NSMAF: variants seen among roughly 807,000 people sequenced by gnomAD.
NSMAF encodes the protein neutral sphingomyelinase activation associated factor.
A neutral mutation model predicts 134.9 loss-of-function variants in NSMAF; 90 were observed. That is an observed-to-expected ratio of 0.67 (90% CI 0.56 to 0.79). The LOEUF (loss-of-function observed/expected upper bound fraction) is 0.79. Among genes scored for constraint, NSMAF ranks in the 30% least tolerant of loss-of-function variants. The pLI is 0.00. For missense variants in NSMAF, 1,010 were observed against 1,119.0 expected (o/e 0.90, Z 1.39); for synonymous variants, 358 against 389.6 (o/e 0.92, Z 0.96).
rs536306319 is a variant in NSMAF, at chr8:58,599,658, AT to A, written c.1453+91del. 171 of 1,412,728 alleles carry A rather than the reference AT, an allele frequency of 1.2e-4. 1 individual carries two copies. In the African/African-American group the frequency reaches 2.3e-3, roughly 19 times the overall value. The allele number at this position is 1,412,728 out of a possible 1,614,324, so 87.5% of individuals were successfully genotyped here. A position where few individuals can be genotyped will look rare whatever the true frequency, so the allele number is the denominator to read the frequency against. ...TCCTTATTTAGAGAATTATATTGTG[AT>A]TTTTAAAAATCTAAGCAATAAAATA... On this transcript the variant is annotated intron_variant, in intron 18 of 30. Transcript: ENST00000038176.
chr8:58,645,744 CA>C (rs199560463), intron 1 of NSMAF, among the ~76,000 whole-genome samples: 8 of 150,706 alleles, frequency 5.3e-5, no homozygotes, highest in African/African-American at 1.7e-4. Flanking sequence ...AGATGCTCAT[CA>C]AAAAAAAATA....
At chr8:58,646,452 A>G (rs1016935763) in intron 1 of NSMAF, among the ~76,000 whole-genome samples, 3 of 152,200 alleles carry the variant, frequency 2.0e-5, no homozygotes, top group African/African-American at 4.8e-5. Context: ...CATATCAGCT[A>G]TTTTAGAACT....
chr8:58,599,383 C>G lies in NSMAF; in HGVS notation c.1454-20G>C. ...CGGGACCTATTAGATTAGACTCAAT[C>G]GAAAAATCATGGAGTCTTCATTTTT... is the stretch of plus-strand genomic sequence containing the variant. On this transcript the variant is annotated intron_variant, in intron 18 of 30. Coordinates refer to ENST00000038176, the MANE Select transcript of NSMAF (RefSeq NM_003580.4). The G allele has an allele frequency of 6.2e-7, 1 of 1,607,846 alleles. No homozygotes were observed. The highest frequency in any genetic ancestry group is 1.1e-5 in the South Asian group (1 of 89,842).
At chr8:58,592,920 A>C (rs536369413) in intron 23 of NSMAF, among the ~76,000 whole-genome samples, 74 of 149,630 alleles carry the variant, frequency 4.9e-4, no homozygotes, top group South Asian at 8.5e-4. Context: ...ACAACAACAA[A>C]AAAAAAACCT....
chr8:58,588,253 G>A (rs1805936338), intron 26 of NSMAF, among the ~76,000 whole-genome samples: 1 of 151,834 alleles, frequency 6.6e-6, no homozygotes, highest in Non-Finnish European at 1.5e-5. Context: ...TCGAAAGAAT[G>A]GTGAATGAAT....
chr8:58,640,820 G>A (rs1807317693), intron 2 of NSMAF, among the ~76,000 whole-genome samples: 1 of 151,740 alleles, frequency 6.6e-6, no homozygotes, highest in African/African-American at 2.4e-5. Context: ...TACTGCCTTG[G>A]CTTACTAAAG....
chr8:58,595,726 A>T, intron 21 of NSMAF, 67 bp from the exon 22 acceptor site: 1 of 925,320 alleles, frequency 1.1e-6, no homozygotes. Flanking sequence ...CATCAGATTA[A>T]CAATATTTTC....
chr8:58,606,148 T>C, intron 11 of NSMAF, 113 bp from the exon 12 acceptor site: 2 of 914,678 alleles, frequency 2.2e-6, no homozygotes, highest in Non-Finnish European at 3.2e-6. Context: ...TTTATTTTTA[T>C]AACTTATATT....
chr8:58,651,708 GAACA>G (rs535352159), intron 1 of NSMAF, among the ~76,000 whole-genome samples: 178 of 152,280 alleles, frequency 1.2e-3, no homozygotes, highest in African/African-American at 4.1e-3. Context: ...CAGTTGGAAG[GAACA>G]AACAAATAAA....
intron 1 of NSMAF, among the ~76,000 whole-genome samples, chr8:58,648,722 G>C (rs1467211328): frequency 6.6e-6 from 1 of 152,230 alleles, no homozygotes; most frequent in Non-Finnish European, 1.5e-5. Flanking sequence ...CTGCTCCAAA[G>C]GGTGCAAGAC....
intron 6 of NSMAF, 119 bp downstream of exon 6, chr8:58,631,377 A>T (rs1281236030): frequency 1.9e-6 from 1 of 514,160 alleles, no homozygotes; most frequent in East Asian, 3.7e-5. Context: ...CTTCCAGGTA[A>T]GAAGCTTTTA....
At chr8:58,614,876 T>A (rs1806621407) in intron 9 of NSMAF, among the ~76,000 whole-genome samples, 1 of 152,138 alleles carries the variant, frequency 6.6e-6, no homozygotes. Flanking sequence ...TTATAAATTA[T>A]CTAAACGTTC....
intron 18 of NSMAF, 76 bp from the exon 19 acceptor site, chr8:58,599,439 T>C (rs539815766): frequency 1.4e-6 from 2 of 1,470,720 alleles, no homozygotes; most frequent in South Asian, 2.6e-5. Flanking sequence ...TATCTATATG[T>C]ATATAAAGCT....
At chr8:58,641,685 A>T (rs1021676457) in intron 2 of NSMAF, among the ~76,000 whole-genome samples, 1 of 152,236 alleles carries the variant, frequency 6.6e-6, no homozygotes, top group Admixed American at 6.5e-5. Context: ...TTTTACTAGT[A>T]CAAGTAGTGC....
intron 24 of NSMAF, 82 bp from the exon 25 acceptor site, chr8:58,590,156 G>A (rs900167351): frequency 3.6e-5 from 44 of 1,214,448 alleles, no homozygotes; most frequent in South Asian, 1.8e-4. Context: ...ATACATTTCC[G>A]AAAAATTAAT....
chr8:58,646,828 C>G (rs908690887), intron 1 of NSMAF, among the ~76,000 whole-genome samples: 1 of 152,152 alleles, frequency 6.6e-6, no homozygotes, highest in African/African-American at 2.4e-5. Context: ...CTTTAGAAGA[C>G]TCTTAGCCCT....
At chr8:58,615,351 T>C (rs183344023) in intron 9 of NSMAF, among the ~76,000 whole-genome samples, 30 of 152,312 alleles carry the variant, frequency 2.0e-4, no homozygotes, top group Non-Finnish European at 4.1e-4. Context: ...ACGGCACTTA[T>C]GGAATACTAT....
At chr8:58,634,801 G>A (rs1358797557) in intron 5 of NSMAF, among the ~76,000 whole-genome samples, 1 of 152,138 alleles carries the variant, frequency 6.6e-6, no homozygotes, top group Non-Finnish European at 1.5e-5. Context: ...GGGTCATAAT[G>A]ATACAAGACC....
At chr8:58,622,551 G>A (rs1806812264) in intron 9 of NSMAF, among the ~76,000 whole-genome samples, 1 of 152,032 alleles carries the variant, frequency 6.6e-6, no homozygotes, top group Admixed American at 6.6e-5. Context: ...CCGCCACCAT[G>A]CCTGGGTAAT....
Sources: allele counts gnomAD v4.1 joint callset (sites outside exome capture counted in the v4.1 genomes callset), GRCh38; gene constraint gnomAD v4.1.1; transcripts MANE v1.5; gene names NCBI Gene and HGNC (gene_info 2026-07-23, HGNC 2026-07-21).